BCL2L13: variants seen among roughly 807,000 people sequenced by gnomAD.
BCL2L13 encodes bcl-2-like protein 13.
Under a neutral mutation model 25.8 loss-of-function variants are expected in BCL2L13, and 13 were observed. The ratio of observed to expected loss-of-function variants is 0.50; its 90% CI spans 0.33 to 0.80. The LOEUF is 0.80. Among genes scored for constraint, BCL2L13 ranks in the 30% least tolerant of loss-of-function variants. The pLI is 0.02. For missense variants in BCL2L13, 504 were observed against 574.9 expected (o/e 0.88, Z 1.26); for synonymous variants, 244 against 230.3 (o/e 1.06, Z -0.54).
At chr22:17,684,442 C>T (rs997483021) in intron 3 of BCL2L13, among the ~76,000 whole-genome samples, 1 of 152,318 alleles carries the variant, frequency 6.6e-6, no homozygotes, top group East Asian at 1.9e-4. Context: ...CAGCCACTTC[C>T]CATTCCCACT....
intron 6 of BCL2L13, among the ~76,000 whole-genome samples, chr22:17,708,219 C>T (rs565949890): frequency 6.6e-6 from 1 of 150,530 alleles, no homozygotes; most frequent in African/African-American, 2.4e-5. Flanking sequence ...TGAAAAAAAA[C>T]ACCAAGTATA....
At chr22:17,666,985 T>C (rs1021199478) in intron 2 of BCL2L13, among the ~76,000 whole-genome samples, 2 of 152,108 alleles carry the variant, frequency 1.3e-5, no homozygotes, top group Non-Finnish European at 1.5e-5. Context: ...TTTTTATGCC[T>C]GAATAGTACT....
chr22:17,632,353 C>T (rs2058044005), intron 1 of BCL2L13, among the ~76,000 whole-genome samples: 1 of 152,172 alleles, frequency 6.6e-6, no homozygotes, highest in Non-Finnish European at 1.5e-5. Flanking sequence ...AACAATAACA[C>T]AGGGCAAGAG....
rs564698385 is a variant in BCL2L13, at chr22:17,663,853, A to AT, written c.121+8034dup. 3.6e-3 allele frequency among the ~76,000 whole-genome samples: 325 copies of AT among 90,424 alleles called. 3 individuals are homozygous for AT. Among genetic ancestry groups the AT allele is most frequent in the African/African-American group, 9.4e-3 (185 of 19,680 alleles). The allele number at this position is 90,424 out of a possible 152,430, so 59.3% of individuals were successfully genotyped here. On this transcript the variant is annotated intron_variant, in intron 2 of 6. Transcript: ENST00000317582. ...AGATGCTTGCCACCACGCCTGGCTA[A>AT]TTTTTTTTTTTTTGAGATGGAGTCT... is the stretch of plus-strand genomic sequence containing the variant.
chr22:17,718,184 T>C (rs920451486), intron 6 of BCL2L13, among the ~76,000 whole-genome samples: 1 of 151,810 alleles, frequency 6.6e-6, no homozygotes, highest in African/African-American at 2.4e-5. Flanking sequence ...GAAAAGAAGA[T>C]TGCTTACATT....
rs187814268 is a variant in BCL2L13 at position 17,721,707 on chromosome 22, G to A, written c.601-4970G>A. ...GCCTGGCTAATTTTTGTATTTTTTAGTAGAGGCAGGGTTTTGCCATGTTGG... is the reference window on the plus strand; with the variant it reads ...GCCTGGCTAATTTTTGTATTTTTTAATAGAGGCAGGGTTTTGCCATGTTGG... On this transcript the variant is annotated intron_variant, in intron 6 of 6. Coordinates refer to ENST00000317582, the MANE Select transcript of BCL2L13 (RefSeq NM_015367.4). 1.4e-3 allele frequency among the ~76,000 whole-genome samples: 217 copies of A among 151,982 alleles called. 2 individuals are homozygous for A. In the Middle Eastern group the frequency reaches 0.024, roughly 17 times the overall value.
At chr22:17,637,469 G>A (rs1474383723), upstream of BCL2L13, among the ~76,000 whole-genome samples, 2 of 150,618 alleles carry the variant, frequency 1.3e-5, no homozygotes, top group African/African-American at 4.9e-5. Context: ...TTGCCTCCCA[G>A]GCTCAAGCGA....
chr22:17,688,495 A>T (rs1468643901), intron 3 of BCL2L13, among the ~76,000 whole-genome samples: 1 of 152,210 alleles, frequency 6.6e-6, no homozygotes, highest in African/African-American at 2.4e-5. Flanking sequence ...CTCATTTATC[A>T]TTATTATACT....
chr22:17,643,941 C>T (rs1279137743), intron 1 of BCL2L13, among the ~76,000 whole-genome samples: 2 of 149,488 alleles, frequency 1.3e-5, no homozygotes, highest in East Asian at 3.9e-4. Flanking sequence ...CAGAATCTCA[C>T]TCTGTTGTCC....
intron 2 of BCL2L13, among the ~76,000 whole-genome samples, chr22:17,681,810 ACT>A (rs1286193138): frequency 6.6e-6 from 1 of 152,038 alleles, no homozygotes; most frequent in Non-Finnish European, 1.5e-5. Flanking sequence ...CTGAAAGTTG[ACT>A]GCCTGGGTTT....
chr22:17,711,957 G>A (rs1349287055), intron 6 of BCL2L13, among the ~76,000 whole-genome samples: 2 of 151,710 alleles, frequency 1.3e-5, no homozygotes, highest in African/African-American at 4.8e-5. Flanking sequence ...AAGAACATAA[G>A]AAATTATGTT....
chr22:17,659,179 T>A (rs2058988933), intron 2 of BCL2L13, among the ~76,000 whole-genome samples: 1 of 136,884 alleles, frequency 7.3e-6, no homozygotes, highest in African/African-American at 2.6e-5. Context: ...GCCTGACCAA[T>A]ATGGTGAAAC....
At chr22:17,678,847 T>C (rs2059649935) in intron 2 of BCL2L13, among the ~76,000 whole-genome samples, 1 of 152,204 alleles carries the variant, frequency 6.6e-6, no homozygotes, top group Non-Finnish European at 1.5e-5. Context: ...AAATGAATAG[T>C]AGGTAGACCT....
chr22:17,724,957 C>T lies in BCL2L13; in HGVS notation c.601-1720C>T, dbSNP rs565178287. Among the ~76,000 whole-genome samples the T allele has an allele frequency of 4.6e-5, 7 of 152,236 alleles. No individual in the cohort carries two copies. In the South Asian group the frequency reaches 1.4e-3, roughly 31 times the overall value. On this transcript the variant is annotated intron_variant, in intron 6 of 6. Coordinates refer to ENST00000317582, the MANE Select transcript of BCL2L13 (RefSeq NM_015367.4). ...GTTATTCATATGTCAGGCTTCACAG[C>T]TGCCTAGTAAATTCTGTAAGAATAG...
intron 2 of BCL2L13, among the ~76,000 whole-genome samples, chr22:17,658,420 G>C (rs1260683564): frequency 6.6e-6 from 1 of 151,774 alleles, no homozygotes; most frequent in Non-Finnish European, 1.5e-5. Flanking sequence ...TGGCTGGGTG[G>C]GGTGCCTCAT....
At chr22:17,714,738 T>G (rs1227151512) in intron 6 of BCL2L13, among the ~76,000 whole-genome samples, 1 of 152,200 alleles carries the variant, frequency 6.6e-6, no homozygotes, top group Non-Finnish European at 1.5e-5. Context: ...TCAGTCTTGT[T>G]TAGACCTCCA....
intron 4 of BCL2L13, 97 bp from the exon 5 acceptor site, chr22:17,696,044 G>C: frequency 1.2e-6 from 1 of 802,472 alleles, no homozygotes; most frequent in Non-Finnish European, 2.1e-6. Flanking sequence ...TGTCAGTTTA[G>C]CAAAAAGTTC....
intron 2 of BCL2L13, 68 bp downstream of exon 2, chr22:17,655,900 A>G (rs2058838712): frequency 7.1e-7 from 1 of 1,415,908 alleles, no homozygotes; most frequent in Admixed American, 2.2e-5. Flanking sequence ...AAGTATATGT[A>G]TCTAATTTAT....
At chr22:17,675,147 T>C (rs2059541814) in intron 2 of BCL2L13, among the ~76,000 whole-genome samples, 1 of 152,218 alleles carries the variant, frequency 6.6e-6, no homozygotes, top group Admixed American at 6.5e-5. Context: ...TTTACCCCTA[T>C]AATTTAGAAG....
Sources: gnomAD v4.1 joint callset for allele counts (sites outside exome capture counted in the v4.1 genomes callset) on GRCh38, gnomAD v4.1.1 for gene constraint, MANE v1.5 for transcripts, NCBI Gene and HGNC (gene_info 2026-07-23, HGNC 2026-07-21) for gene names.